SLC39A11: variants seen among roughly 807,000 people sequenced by gnomAD.
The protein encoded by SLC39A11 is solute carrier family 39 member 11.
SLC39A11 carries 33 observed loss-of-function variants against 36.1 expected under a neutral mutation model. The observed-to-expected ratio is 0.91, with a 90% CI of 0.69 to 1.22. SLC39A11 has a LOEUF of 1.22. Among genes scored for constraint, SLC39A11 ranks in the 50% most tolerant of loss-of-function variants. The probability of loss-of-function intolerance (pLI) is 0.00; values close to 1 mark genes in which losing one functional copy is unlikely to be tolerated. For synonymous variants in SLC39A11, 166 were observed against 170.3 expected (o/e 0.97, Z 0.20); for missense variants, 432 against 430.3 (o/e 1.00, Z -0.03).
At chr17:72,665,368 TAAGCCACCAAG>T in intron 7 of SLC39A11, among the ~76,000 whole-genome samples, 1 of 147,864 alleles carries the variant, frequency 6.8e-6, no homozygotes, top group African/African-American at 2.5e-5. Context: ...TTTGTTGGTT[TAAGCCACCAAG>T]TTTTGAGGTG....
intron 5 of SLC39A11, among the ~76,000 whole-genome samples, chr17:72,873,807 C>A (rs1267397005): frequency 6.6e-6 from 1 of 152,182 alleles, no homozygotes; most frequent in Non-Finnish European, 1.5e-5. Flanking sequence ...CACAACAAAT[C>A]TCACTTTGAA....
intron 4 of SLC39A11, among the ~76,000 whole-genome samples, chr17:72,989,028 C>A (rs908285294): frequency 1.3e-5 from 2 of 152,106 alleles, no homozygotes; most frequent in African/African-American, 2.4e-5. Context: ...CTGGCCACCA[C>A]GATAAGACCT....
intron 4 of SLC39A11, among the ~76,000 whole-genome samples, chr17:72,991,618 CA>C (rs1247337757): frequency 2.6e-5 from 4 of 152,234 alleles, no homozygotes; most frequent in Non-Finnish European, 4.4e-5. Context: ...CTTGGCCTCC[CA>C]AAGTGCTGGG....
At chr17:72,738,556 G>A (rs969086225) in intron 6 of SLC39A11, among the ~76,000 whole-genome samples, 1 of 152,126 alleles carries the variant, frequency 6.6e-6, no homozygotes, top group Admixed American at 6.5e-5. Context: ...GGCGCAGCGA[G>A]GGTCATGGAA....
chr17:72,980,987 C>T (rs1334653863), intron 4 of SLC39A11, among the ~76,000 whole-genome samples: 2 of 146,348 alleles, frequency 1.4e-5, no homozygotes, highest in Non-Finnish European at 3.0e-5. Flanking sequence ...CATGCCACTG[C>T]ATTCCAGCCT....
chr17:72,679,250 T>C (rs1391571143), intron 7 of SLC39A11, among the ~76,000 whole-genome samples: 1 of 152,132 alleles, frequency 6.6e-6, no homozygotes, highest in Non-Finnish European at 1.5e-5. Context: ...TATTGTATGC[T>C]TCAAAATAGG....
intron 3 of SLC39A11, among the ~76,000 whole-genome samples, chr17:73,037,260 T>A (rs58288574): frequency 6.6e-6 from 1 of 152,190 alleles, no homozygotes; most frequent in Non-Finnish European, 1.5e-5. Context: ...AGGAGTGGAA[T>A]TGTTGGATCC....
chr17:72,810,988 C>G (rs2077419016), intron 6 of SLC39A11, among the ~76,000 whole-genome samples: 1 of 151,730 alleles, frequency 6.6e-6, no homozygotes, highest in Non-Finnish European at 1.5e-5. Context: ...GCCACCATGC[C>G]TGGCCCGTAA....
At chr17:72,677,504 G>C (rs779071819) in intron 7 of SLC39A11, among the ~76,000 whole-genome samples, 1 of 152,226 alleles carries the variant, frequency 6.6e-6, no homozygotes, top group Non-Finnish European at 1.5e-5. Flanking sequence ...GAATGCATCT[G>C]TAACCTGAAC....
chr17:72,963,158 T>G (rs1453320769), intron 4 of SLC39A11, among the ~76,000 whole-genome samples: 1 of 136,816 alleles, frequency 7.3e-6, no homozygotes, highest in African/African-American at 2.8e-5. Context: ...GTATAATTCT[T>G]TTTTTCCTTT....
chr17:73,059,102 A>G (rs1287972458), intron 3 of SLC39A11, among the ~76,000 whole-genome samples: 1 of 152,220 alleles, frequency 6.6e-6, no homozygotes, highest in Non-Finnish European at 1.5e-5. Context: ...TCTTAGTTAA[A>G]ATACTAGAAC....
chr17:73,005,506 C>T (rs1349425963), intron 4 of SLC39A11, among the ~76,000 whole-genome samples: 4 of 152,182 alleles, frequency 2.6e-5, no homozygotes, highest in South Asian at 2.1e-4. Context: ...AGTGTCTCTG[C>T]GGTGCAGGGT....
intron 6 of SLC39A11, among the ~76,000 whole-genome samples, chr17:72,847,572 A>G (rs1322444433): frequency 6.6e-6 from 1 of 152,182 alleles, no homozygotes; most frequent in Non-Finnish European, 1.5e-5. Flanking sequence ...GGATAGAAAT[A>G]ACAGAGGAAT....
chr17:72,900,177 G>C (rs979486463), intron 5 of SLC39A11, among the ~76,000 whole-genome samples: 2 of 140,244 alleles, frequency 1.4e-5, no homozygotes, highest in Admixed American at 1.4e-4. Context: ...AAGAAAGAAA[G>C]AAAGAAAGAA....
At chr17:72,916,394 GC>G (rs1220740203) in intron 5 of SLC39A11, among the ~76,000 whole-genome samples, 1 of 152,082 alleles carries the variant, frequency 6.6e-6, no homozygotes, top group Admixed American at 6.5e-5. Flanking sequence ...AATGAGCACA[GC>G]TGGGAGTCCT....
intron 6 of SLC39A11, among the ~76,000 whole-genome samples, chr17:72,772,241 C>A (rs564955081): frequency 5.9e-5 from 9 of 152,170 alleles, no homozygotes; most frequent in Non-Finnish European, 5.9e-5. Context: ...TACAATTGTG[C>A]CTTCCTCTTC....
intron 4 of SLC39A11, among the ~76,000 whole-genome samples, chr17:72,984,715 G>C (rs1444755299): frequency 6.6e-6 from 1 of 152,226 alleles, no homozygotes; most frequent in Non-Finnish European, 1.5e-5. Flanking sequence ...TTTTACAGGG[G>C]CTGAGAAAGG....
At position 72,798,414 on chromosome 17, in the gene SLC39A11, C is replaced by CTTTTTT. The variant is rs145211486; in HGVS notation, c.601+51219_601+51220insAAAAAA. Among the ~76,000 whole-genome samples, 105 of 140,622 alleles carry CTTTTTT rather than the reference C, an allele frequency of 7.5e-4. 23 individuals carry two copies. Among genetic ancestry groups the CTTTTTT allele is most frequent in the Non-Finnish European group, 8.9e-4 (58 of 64,928 alleles). The allele number at this position is 140,622 out of a possible 152,430, so 92.3% of individuals were successfully genotyped here. ...GAGCTCTGGTCTCTTCCACTTCTTT[C>CTTTTTT]TTTCTTTTTTTTTTTTTGAGATGGA... On this transcript the variant is annotated intron_variant, in intron 6 of 9. Transcript: ENST00000255559.
At chr17:72,988,897 C>T (rs570868746) in intron 4 of SLC39A11, among the ~76,000 whole-genome samples, 11 of 151,926 alleles carry the variant, frequency 7.2e-5, no homozygotes, top group Non-Finnish European at 1.5e-4. Flanking sequence ...TTAGTAGAGA[C>T]AGGTTTGCTC....
Sources: allele counts gnomAD v4.1 joint callset (sites outside exome capture counted in the v4.1 genomes callset), GRCh38; gene constraint gnomAD v4.1.1; transcripts MANE v1.5; gene names NCBI Gene and HGNC (gene_info 2026-07-23, HGNC 2026-07-21).